The following MAP3K7 variants were observed in gnomAD, a reference collection of about 807,000 sequenced individuals.
The protein encoded by MAP3K7 is mitogen-activated protein kinase kinase kinase 7, also known as TGF-beta activated kinase 1.
In MAP3K7, 21 loss-of-function variants were observed where a neutral mutation model predicts 84.8. That is an observed-to-expected ratio of 0.25 (90% confidence interval 0.18 to 0.36). The LOEUF is 0.36. Among genes scored for constraint, MAP3K7 ranks in the 10% least tolerant of loss-of-function variants. The probability of loss-of-function intolerance (pLI) is 1.00; values close to 1 mark genes in which losing one functional copy is unlikely to be tolerated. For synonymous variants in MAP3K7, 241 were observed against 247.7 expected, an observed-to-expected ratio of 0.97 and a Z score of 0.25; for missense variants, 503 against 747.7, an observed-to-expected ratio of 0.67 and a Z score of 3.82.
rs1776069079 is a variant in MAP3K7 at position 90,548,273 on chromosome 6, G to A, written c.950-96C>T. The A allele has an allele frequency of 1.3e-5, 13 of 1,007,160 alleles. No individual in the cohort carries two copies. The South Asian group carries it at 2.0e-4, about 16-fold the overall frequency. The allele number at this position is 1,007,160 out of a possible 1,614,324, so 62.4% of individuals were successfully genotyped here. On this transcript the variant is annotated intron_variant, in intron 9 of 16. Transcript: ENST00000369329. ...CTTACATTCTTTTATAAACTAGCCA[G>A]GCAGGAACAGAAATAAAATAAGACT... is the stretch of plus-strand genomic sequence containing the variant.
intron 12 of MAP3K7, among the ~76,000 whole-genome samples, chr6:90,537,816 T>C (rs1291213471): frequency 6.6e-6 from 1 of 151,994 alleles, no homozygotes; most frequent in Non-Finnish European, 1.5e-5. Context: ...TAAGCAATTT[T>C]AGGCACATTT....
chr6:90,579,702 T>A (rs1389599864), intron 1 of MAP3K7, among the ~76,000 whole-genome samples: 4 of 152,224 alleles, frequency 2.6e-5, no homozygotes, highest in African/African-American at 9.6e-5. Context: ...AATTCTCACA[T>A]TTTAGAAAGG....
At chr6:90,549,610 A>T (rs1776118290) in intron 9 of MAP3K7, among the ~76,000 whole-genome samples, 1 of 152,206 alleles carries the variant, frequency 6.6e-6, no homozygotes, top group Admixed American at 6.5e-5. Flanking sequence ...AAGAGGACTG[A>T]GGACCAGTGA....
intron 2 of MAP3K7, among the ~76,000 whole-genome samples, chr6:90,570,639 A>C (rs1045317943): frequency 8.5e-5 from 13 of 152,202 alleles, no homozygotes; most frequent in African/African-American, 3.1e-4. Flanking sequence ...TTTTTTACTA[A>C]GAATTTTTGG....
intron 1 of MAP3K7, among the ~76,000 whole-genome samples, chr6:90,583,038 A>G (rs1264713413): frequency 6.6e-6 from 1 of 151,880 alleles, no homozygotes; most frequent in Non-Finnish European, 1.5e-5. Flanking sequence ...CTGTGCCACC[A>G]CACCCAGCTA....
intron 13 of MAP3K7, among the ~76,000 whole-genome samples, chr6:90,531,055 C>G (rs547201662): frequency 5.4e-4 from 82 of 152,168 alleles, no homozygotes; most frequent in African/African-American, 1.8e-3. Flanking sequence ...ATGAAAGTCA[C>G]AAGAGTATAG....
At chr6:90,517,577 C>A (rs1255838839) in intron 16 of MAP3K7, among the ~76,000 whole-genome samples, 1 of 151,690 alleles carries the variant, frequency 6.6e-6, no homozygotes. Flanking sequence ...GCTTTTTCAA[C>A]ATAAAAGTGC....
At chr6:90,558,093 C>T (rs1044143949) in intron 5 of MAP3K7, among the ~76,000 whole-genome samples, 1 of 151,980 alleles carries the variant, frequency 6.6e-6, no homozygotes, top group South Asian at 2.1e-4. Flanking sequence ...GAGGCTGAGG[C>T]GGGCAGATCA....
At chr6:90,532,556 C>T (rs1775542464) in intron 13 of MAP3K7, among the ~76,000 whole-genome samples, 2 of 152,192 alleles carry the variant, frequency 1.3e-5, no homozygotes, top group Admixed American at 1.3e-4. Flanking sequence ...ATGCCCACTT[C>T]TCTAAATAAT....
At chr6:90,531,485 CTTA>C (rs1468582881) in intron 13 of MAP3K7, among the ~76,000 whole-genome samples, 2 of 152,078 alleles carry the variant, frequency 1.3e-5, no homozygotes, top group East Asian at 1.9e-4. Flanking sequence ...TACATGGGTA[CTTA>C]TTATGGTAGT....
intron 13 of MAP3K7, among the ~76,000 whole-genome samples, chr6:90,535,812 G>A (rs1203077612): frequency 2.6e-5 from 4 of 152,060 alleles, no homozygotes; most frequent in East Asian, 1.9e-4. Context: ...GAAGCCTTTC[G>A]AGAGTTTACA....
chr6:90,516,638 G>C lies in MAP3K7; in HGVS notation c.1684C>G (p.Gln562Glu). The change falls in exon 17 of 17, where the codon CAA becomes GAA. Residue 562 changes from glutamine to glutamate, a missense_variant. Coordinates refer to ENST00000369329, the MANE Select transcript of MAP3K7 (RefSeq NM_145331.3). ...TCCTGTACCAGGCGAGATGTATTTTGCTGGTCCTTTTCATCCTGGTCCAGT... is the reference window on the plus strand; with the variant it reads ...TCCTGTACCAGGCGAGATGTATTTTCCTGGTCCTTTTCATCCTGGTCCAGT... ...AELDQDEKDQQNTSRLVQEHK... is the reference protein window; with the variant it reads ...AELDQDEKDQENTSRLVQEHK... The C allele has an allele frequency of 6.2e-7, 1 of 1,610,620 alleles. No homozygotes were observed. Among genetic ancestry groups the C allele is most frequent in the Non-Finnish European group, 8.5e-7 (1 of 1,178,558 alleles).
chr6:90,547,134 TA>T, intron 11 of MAP3K7, 123 bp downstream of exon 11: 1 of 1,005,680 alleles, frequency 9.9e-7, no homozygotes, highest in Non-Finnish European at 1.4e-6. Flanking sequence ...AAATATATTG[TA>T]AACCTACTTC....
chr6:90,556,769 G>T (rs1435489715), intron 5 of MAP3K7, 145 bp from the exon 6 acceptor site: 2 of 797,616 alleles, frequency 2.5e-6, no homozygotes, highest in Non-Finnish European at 3.8e-6. Flanking sequence ...AATTTACTTG[G>T]TCACTATAAA....
At chr6:90,586,656 G>A (rs1777468738) in intron 1 of MAP3K7, 108 bp downstream of exon 1, 2 of 1,435,906 alleles carry the variant, frequency 1.4e-6, no homozygotes, top group South Asian at 1.4e-5. Flanking sequence ...GACCCCGCAG[G>A]GTCCCGCGAA....
In MAP3K7 at chr6:90,568,601, T is replaced by C. The variant is rs765425385; in HGVS notation, c.254A>G (p.Asn85Ser). Residue 85 changes from asparagine to serine, a missense_variant, in exon 3 of 17, where the codon AAC becomes AGC. Physicochemically the swap from Asn to Ser is conservative, Grantham distance 46 (BLOSUM62 1). Around this residue, in one of 5 missense-constraint regions of MAP3K7, gnomAD observed 97 missense variants for 270.8 expected, o/e 0.36. Coordinates refer to ENST00000369329, the MANE Select transcript of MAP3K7 (RefSeq NM_145331.3). ...ATAAAGCTTTACAATATTAGGATGG[T>C]TCACACGGGATAACTGCCGAAGCTG... Reference protein sequence around the residue: ...IVELRQLSRVNHPNIVKLYGA... With the variant: ...IVELRQLSRVSHPNIVKLYGA... 1 of 1,609,018 alleles carries C rather than the reference T, an allele frequency of 6.2e-7. No homozygotes were observed. The highest frequency in any genetic ancestry group is 8.5e-7 in the Non-Finnish European group (1 of 1,178,854).
At chr6:90,542,479 A>G (rs968875397) in intron 12 of MAP3K7, 43 of 985,086 alleles carry the variant, frequency 4.4e-5, no homozygotes, top group East Asian at 1.1e-4. Context: ...TAAAGGCCCA[A>G]TGTCATAAAA....
At chr6:90,574,350 C>T (rs556769572) in intron 1 of MAP3K7, among the ~76,000 whole-genome samples, 1 of 152,194 alleles carries the variant, frequency 6.6e-6, no homozygotes, top group East Asian at 1.9e-4. Context: ...CTCAAGTAAT[C>T]GCCCTGCCTC....
At chr6:90,566,331 A>G (rs1023495930) in intron 3 of MAP3K7, among the ~76,000 whole-genome samples, 24 of 152,208 alleles carry the variant, frequency 1.6e-4, no homozygotes, top group African/African-American at 5.5e-4. Context: ...TCAGCCCAAA[A>G]TCTCCTTAAG....
Sources: allele counts gnomAD v4.1 joint callset (sites outside exome capture counted in the v4.1 genomes callset), GRCh38; gene constraint gnomAD v4.1.1; regional missense constraint gnomAD v4.1.1; transcripts MANE v1.5; gene names NCBI Gene and HGNC (gene_info 2026-07-23, HGNC 2026-07-21).